Variants in DOK6 observed in about 807,000 individuals in gnomAD.
DOK6 encodes the protein downstream of tyrosine kinase 6.
DOK6 carries 22 observed loss-of-function variants against 44.0 expected under a neutral mutation model. The ratio of observed to expected loss-of-function variants is 0.50; its 90% CI spans 0.36 to 0.71. The LOEUF is 0.71. DOK6 is among the 30% of genes least tolerant of loss of function. The pLI, the probability that DOK6 is intolerant of heterozygous loss-of-function variation, is 0.00. For synonymous variants in DOK6, 166 were observed against 145.5 expected (o/e 1.14, Z -1.01); for missense variants, 340 against 416.4 (o/e 0.82, Z 1.60).
intron 1 of DOK6, among the ~76,000 whole-genome samples, chr18:69,528,248 G>C (rs965270259): frequency 3.3e-5 from 5 of 150,876 alleles, no homozygotes; most frequent in Non-Finnish European, 7.4e-5. Context: ...CATATCTCTA[G>C]AAAGAATGTT....
chr18:69,791,172 C>T (rs1980584780), intron 7 of DOK6, among the ~76,000 whole-genome samples: 1 of 152,058 alleles, frequency 6.6e-6, no homozygotes. Flanking sequence ...ACTTAGGTTG[C>T]TTCTAAATCT....
chr18:69,548,505 C>T (rs1982471788), intron 1 of DOK6, among the ~76,000 whole-genome samples: 1 of 151,514 alleles, frequency 6.6e-6, no homozygotes, highest in Non-Finnish European at 1.5e-5. Context: ...CAATTTTGTA[C>T]AAAGGACGGC....
At chr18:69,485,179 C>T (rs539910016) in intron 1 of DOK6, among the ~76,000 whole-genome samples, 5 of 152,096 alleles carry the variant, frequency 3.3e-5, no homozygotes, top group Admixed American at 2.0e-4. Flanking sequence ...ATCAACTGTT[C>T]AACAGATGAT....
intron 7 of DOK6, among the ~76,000 whole-genome samples, chr18:69,817,939 A>G (rs1168654024): frequency 6.6e-6 from 1 of 152,160 alleles, no homozygotes; most frequent in East Asian, 1.9e-4. Flanking sequence ...GCCCATTTAA[A>G]CTAAGAAAGC....
intron 1 of DOK6, among the ~76,000 whole-genome samples, chr18:69,545,525 A>C (rs1982381136): frequency 6.6e-6 from 1 of 150,522 alleles, no homozygotes; most frequent in East Asian, 1.9e-4. Context: ...CCAAAAAAAA[A>C]AAAAAAAAGA....
chr18:69,443,143 T>A (rs1979183190), intron 1 of DOK6, among the ~76,000 whole-genome samples: 1 of 152,196 alleles, frequency 6.6e-6, no homozygotes, highest in Non-Finnish European at 1.5e-5. Context: ...GAGTAAAAAG[T>A]TACATTTACA....
intron 1 of DOK6, among the ~76,000 whole-genome samples, chr18:69,461,895 G>A (rs1295205046): frequency 6.6e-6 from 1 of 152,092 alleles, no homozygotes; most frequent in East Asian, 1.9e-4. Flanking sequence ...AGTTTGTCTT[G>A]TCTCTTAAAA....
At chr18:69,733,409 T>A (rs1978484933) in intron 5 of DOK6, among the ~76,000 whole-genome samples, 3 of 152,194 alleles carry the variant, frequency 2.0e-5, no homozygotes, top group Admixed American at 2.0e-4. Flanking sequence ...GCACATTTTT[T>A]ACAGTGACAT....
intron 2 of DOK6, among the ~76,000 whole-genome samples, chr18:69,575,407 T>C (rs1983215242): frequency 6.6e-6 from 1 of 152,134 alleles, no homozygotes; most frequent in African/African-American, 2.4e-5. Context: ...AAGGTAGGTG[T>C]ATATCAAAGC....
chr18:69,825,407 C>T (rs947999591), intron 7 of DOK6, among the ~76,000 whole-genome samples: 4 of 147,306 alleles, frequency 2.7e-5, no homozygotes, highest in South Asian at 2.2e-4. Context: ...ACATTGCAAA[C>T]GGTTTATCAA....
At chr18:69,669,221 G>A (rs775147692) in intron 3 of DOK6, among the ~76,000 whole-genome samples, 3 of 152,066 alleles carry the variant, frequency 2.0e-5, no homozygotes, top group Non-Finnish European at 4.4e-5. Flanking sequence ...CAAAGTACCC[G>A]ACAGGTAATT....
intron 7 of DOK6, among the ~76,000 whole-genome samples, chr18:69,834,779 C>T (rs1252811569): frequency 6.6e-6 from 1 of 152,112 alleles, no homozygotes; most frequent in East Asian, 1.9e-4. Flanking sequence ...ACTTAACTGC[C>T]CAATTATTAG....
At chr18:69,431,365 GTAGCTT>G (rs1368436271) in intron 1 of DOK6, among the ~76,000 whole-genome samples, 1 of 152,160 alleles carries the variant, frequency 6.6e-6, no homozygotes, top group Non-Finnish European at 1.5e-5. Flanking sequence ...GTCAGTTGCT[GTAGCTT>G]CTCTGAGTCA....
chr18:69,659,471 T>C (rs1985453384), intron 3 of DOK6, among the ~76,000 whole-genome samples: 1 of 152,218 alleles, frequency 6.6e-6, no homozygotes, highest in African/African-American at 2.4e-5. Flanking sequence ...ATTCTGTTTG[T>C]ATTTAGGAAT....
At chr18:69,567,321 T>A (rs74258307) in intron 2 of DOK6, among the ~76,000 whole-genome samples, 4,606 of 152,154 alleles carry the variant, frequency 0.03, 84 homozygotes, top group Middle Eastern at 0.044. Context: ...CTTTATTTTT[T>A]AAAAAAATAG....
At chr18:69,685,132 G>A (rs372577149) in intron 4 of DOK6, among the ~76,000 whole-genome samples, 4 of 152,078 alleles carry the variant, frequency 2.6e-5, no homozygotes, top group South Asian at 4.1e-4. Flanking sequence ...GAAAATTAAC[G>A]CAATTTAACA....
intron 1 of DOK6, among the ~76,000 whole-genome samples, chr18:69,561,321 C>T (rs1163188097): frequency 6.6e-6 from 1 of 152,110 alleles, no homozygotes; most frequent in Non-Finnish European, 1.5e-5. Context: ...ACTGTCTCTT[C>T]TTGATGTTTG....
intron 3 of DOK6, among the ~76,000 whole-genome samples, chr18:69,607,095 G>A (rs1350047010): frequency 6.6e-6 from 1 of 152,142 alleles, no homozygotes; most frequent in Non-Finnish European, 1.5e-5. Context: ...ATGGATGCCT[G>A]CACATGCAAT....
chr18:69,547,544 G>A (rs926136190), intron 1 of DOK6, among the ~76,000 whole-genome samples: 6 of 151,384 alleles, frequency 4.0e-5, no homozygotes, highest in Non-Finnish European at 5.9e-5. Context: ...CCAACAGTGC[G>A]GATTACATTT....
Sources: allele counts gnomAD v4.1 joint callset (sites outside exome capture counted in the v4.1 genomes callset), GRCh38; gene constraint gnomAD v4.1.1; transcripts MANE v1.5; gene names NCBI Gene and HGNC (gene_info 2026-07-23, HGNC 2026-07-21).